OR6K3: variants seen among roughly 807,000 people sequenced by gnomAD.
OR6K3 encodes olfactory receptor family 6 subfamily K member 3.
For synonymous variants in OR6K3, 169 were observed against 137.7 expected (o/e 1.23, Z -1.59); for missense variants, 396 against 382.5 (o/e 1.04, Z -0.29).
chr1:158,717,282 A>C lies in OR6K3; in HGVS notation c.834T>G (p.Thr278=), dbSNP rs1277329104. Residue 278 remains threonine, a synonymous_variant, in exon 2 of 2, where the codon ACT becomes ACG. Coordinates refer to ENST00000368145, the MANE Select transcript of OR6K3 (RefSeq NM_001005327.3). ...VLDTAIALMF[T]VLAPFFNPII... is the part of the protein sequence containing the mutation. ...TGGGATTGAAGAATGGAGCAAGTAC[A>C]GTAAACATCAGTGCAATGGCTGTGT... 4 of 1,613,598 alleles carry C rather than the reference A, an allele frequency of 2.5e-6. No individual in the cohort carries two copies. Among genetic ancestry groups the C allele is most frequent in the Non-Finnish European group, 3.4e-6 (4 of 1,179,732 alleles).
At chr1:158,720,412 A>T (rs1656258312) in intron 1 of OR6K3, among the ~76,000 whole-genome samples, 1 of 151,974 alleles carries the variant, frequency 6.6e-6, no homozygotes. Flanking sequence ...GAACTATGAC[A>T]ATTCAGTTCT....
chr1:158,724,066 A>G (rs952217975), upstream of OR6K3: 1 of 152,494 alleles, frequency 6.6e-6, no homozygotes, highest in Non-Finnish European at 1.5e-5. Flanking sequence ...TATATGGTTT[A>G]TTGTGTTAGA....
chr1:158,717,160 G>T lies in OR6K3; in HGVS notation c.*8C>A, dbSNP rs762328698. 2 of 1,567,764 alleles carry T rather than the reference G, an allele frequency of 1.3e-6. No homozygotes were observed. The highest frequency in any genetic ancestry group is 1.1e-5 in the South Asian group (1 of 87,028). ...CAAAAGCAACGGAAGGGAACCTGTGGCTCTGTATTAACCTCCAGGCTTGTT... is the reference window on the plus strand; with the variant it reads ...CAAAAGCAACGGAAGGGAACCTGTGTCTCTGTATTAACCTCCAGGCTTGTT... On this transcript the variant is annotated 3_prime_UTR_variant, in exon 2 of 2. Coordinates refer to ENST00000368145, the MANE Select transcript of OR6K3 (RefSeq NM_001005327.3).
chr1:158,723,634 CT>C (rs768012705), upstream of OR6K3, among the ~76,000 whole-genome samples: 289 of 152,054 alleles, frequency 1.9e-3, 1 homozygote, highest in African/African-American at 6.5e-3. Context: ...AAATATATTA[CT>C]TTTATACCAA....
rs1402588987 is a variant in OR6K3, at chr1:158,717,568, G to A, written c.548C>T (p.Pro183Leu). The change falls in exon 2 of 2, where the codon CCT (proline) becomes CTT (leucine). Residue 183 changes from proline (P) to leucine (L), a missense_variant. Physicochemically the swap from Pro to Leu is moderately conservative, Grantham distance 98. Coordinates refer to ENST00000368145, the MANE Select transcript of OR6K3 (RefSeq NM_001005327.3). Reference sequence around the variant, plus strand: ...GTCTGTACAGGCCAGGCTTAGCACAGGGACCAAGTCACAGAAGATCTGATG... The same window carrying A: ...GTCTGTACAGGCCAGGCTTAGCACAAGGACCAAGTCACAGAAGATCTGATG... ...QIHQIFCDLV[P>L]VLSLACTDTS... 1 of 1,613,676 alleles carries A rather than the reference G, an allele frequency of 6.2e-7. No individual in the cohort carries two copies. Among genetic ancestry groups the A allele is most frequent in the Non-Finnish European group, 8.5e-7 (1 of 1,179,836 alleles).
At chr1:158,718,591 T>C (rs1379900388) in intron 1 of OR6K3, among the ~76,000 whole-genome samples, 1 of 151,866 alleles carries the variant, frequency 6.6e-6, no homozygotes, top group Non-Finnish European at 1.5e-5. Context: ...TATCTGTATC[T>C]CATATAATAA....
chr1:158,724,095 G>A (rs1384012850), upstream of OR6K3: 1 of 152,438 alleles, frequency 6.6e-6, no homozygotes, highest in African/African-American at 2.4e-5. Context: ...CACAGTGAAA[G>A]GTGCCTATGA....
At chr1:158,719,139 G>T (rs554039777) in intron 1 of OR6K3, among the ~76,000 whole-genome samples, 16 of 152,040 alleles carry the variant, frequency 1.1e-4, no homozygotes, top group African/African-American at 3.6e-4. Context: ...CAAGGGACGT[G>T]ACGCCCAGAT....
At chr1:158,724,500 C>A (rs1656344173), upstream of OR6K3, 1 of 246,548 alleles carries the variant, frequency 4.1e-6, no homozygotes, top group South Asian at 7.1e-5. Context: ...CTGTACAGGC[C>A]AAGCGCAGCA....
rs779254635 is a variant in OR6K3, at chr1:158,717,963, C to T, written c.153G>A (p.Leu51=). ...DNLLIFSAVR[L]DTHLHNPMYN... ...ACATGGGGTTGTGGAGATGGGTGTCCAGCCTTACAGCAGAGAAGATTAATA... is the reference window on the plus strand; with the variant it reads ...ACATGGGGTTGTGGAGATGGGTGTCTAGCCTTACAGCAGAGAAGATTAATA... Residue 51 remains leucine, a synonymous_variant, in exon 2 of 2, where the codon CTG becomes CTA. Transcript: ENST00000368145. 1 of 1,613,320 alleles carries T rather than the reference C, an allele frequency of 6.2e-7. No individual in the cohort carries two copies. Among genetic ancestry groups the T allele is most frequent in the Admixed American group, 1.7e-5 (1 of 59,974 alleles).
At chr1:158,720,261 G>T (rs1388977757) in intron 1 of OR6K3, among the ~76,000 whole-genome samples, 1 of 151,920 alleles carries the variant, frequency 6.6e-6, no homozygotes, top group African/African-American at 2.4e-5. Context: ...CCCTCATAGT[G>T]ACTACAACAG....
chr1:158,717,924 A>G lies in OR6K3; in HGVS notation c.192T>C (p.Ser64=), dbSNP rs923655411. 5 of 1,613,682 alleles carry G rather than the reference A, an allele frequency of 3.1e-6. No homozygotes were observed. The African/African-American group carries it at 4.0e-5, about 13-fold the overall frequency. Residue 64 remains serine (S), a synonymous_variant, in exon 2 of 2, where the codon AGT becomes AGC. Coordinates refer to ENST00000368145, the MANE Select transcript of OR6K3 (RefSeq NM_001005327.3). ...ACCAGATCTCCAGAAAGGAAAATATACTGATAAAATTATACATGGGGTTGT... is the reference window on the plus strand; with the variant it reads ...ACCAGATCTCCAGAAAGGAAAATATGCTGATAAAATTATACATGGGGTTGT... The part of the protein sequence containing the change: ...HLHNPMYNFI[S]IFSFLEIWYT...
Position 158,717,946 on chromosome 1 carries a change from T to C in OR6K3, c.170A>G (p.Asn57Ser). 6.2e-7 allele frequency: 1 copy of C among 1,613,508 alleles called. No individual in the cohort carries two copies. The change falls in exon 2 of 2, where the codon AAC (asparagine) becomes AGC (serine). Residue 57 changes from asparagine (N) to serine (S), a missense_variant. By Grantham distance (46) the Asn-to-Ser change is conservative (BLOSUM62 1). Coordinates refer to ENST00000368145, the MANE Select transcript of OR6K3 (RefSeq NM_001005327.3). ...TATACTGATAAAATTATACATGGGGTTGTGGAGATGGGTGTCCAGCCTTAC... is the reference window on the plus strand; with the variant it reads ...TATACTGATAAAATTATACATGGGGCTGTGGAGATGGGTGTCCAGCCTTAC... ...SAVRLDTHLH[N>S]PMYNFISIFS...
chr1:158,721,680 T>C (rs962249039), upstream of OR6K3, among the ~76,000 whole-genome samples: 2 of 151,902 alleles, frequency 1.3e-5, no homozygotes, highest in African/African-American at 4.8e-5. Flanking sequence ...ATTTTACTTA[T>C]TATTTTCCTC....
At chr1:158,721,787 T>C (rs1300588963), upstream of OR6K3, among the ~76,000 whole-genome samples, 1 of 151,988 alleles carries the variant, frequency 6.6e-6, no homozygotes, top group Non-Finnish European at 1.5e-5. Flanking sequence ...TTGCATGTAA[T>C]ATTTGGCTCT....
upstream of OR6K3, chr1:158,724,908 C>T: frequency 4.8e-6 from 1 of 209,114 alleles, no homozygotes; most frequent in Admixed American, 4.4e-5. Context: ...GACGGGTATC[C>T]ACCCTGACTG....
chr1:158,723,027 T>A (rs2101987856), upstream of OR6K3, among the ~76,000 whole-genome samples: 1 of 152,148 alleles, frequency 6.6e-6, no homozygotes, highest in East Asian at 1.9e-4. Context: ...GTTCATCTAG[T>A]CCTGACTCTT....
At chr1:158,718,193 G>T in intron 1 of OR6K3, 61 bp from the exon 2 acceptor site, 1 of 866,350 alleles carries the variant, frequency 1.2e-6, no homozygotes, top group Non-Finnish European at 1.8e-6. Context: ...TAAATAAGAT[G>T]TACAGCTAAA....
At chr1:158,719,771 T>G (rs1026758859) in intron 1 of OR6K3, among the ~76,000 whole-genome samples, 1 of 152,124 alleles carries the variant, frequency 6.6e-6, no homozygotes, top group Non-Finnish European at 1.5e-5. Context: ...TACTGGTTAA[T>G]GAAGTCCTGA....
Sources: gnomAD v4.1 joint callset for allele counts (sites outside exome capture counted in the v4.1 genomes callset) on GRCh38, gnomAD v4.1.1 for gene constraint, MANE v1.5 for transcripts, NCBI Gene and HGNC (gene_info 2026-07-23, HGNC 2026-07-21) for gene names.